Variants in CCZ1B observed in about 807,000 individuals in gnomAD.
The protein encoded by CCZ1B is vacuolar fusion protein CCZ1 homolog B.
CCZ1B carries 25 observed loss-of-function variants against 58.8 expected under a neutral mutation model. The observed-to-expected ratio is 0.43, with a 90% CI of 0.31 to 0.59. The LOEUF is 0.59. CCZ1B is among the 20% of genes least tolerant of loss of function. The pLI is 0.12. For synonymous variants in CCZ1B, 66 were observed against 173.2 expected, an observed-to-expected ratio of 0.38 and a Z score of 4.86; for missense variants, 180 against 501.5, an observed-to-expected ratio of 0.36 and a Z score of 6.12.
chr7:6,824,454 C>T lies in CCZ1B; in HGVS notation c.312+1G>A. On this transcript the variant is annotated splice_donor_variant, in intron 3 of 14. Coordinates refer to ENST00000316731, the MANE Select transcript of CCZ1B (RefSeq NM_198097.5). LOFTEE classifies it high-confidence loss of function. ...GAAAGATACACTGTGTGTGTAAATA[C>T]CATGACCATCCAGAAATTTTCTTCT... The T allele has an allele frequency of 6.2e-7, 1 of 1,605,142 alleles. No homozygotes were observed. Among genetic ancestry groups the T allele is most frequent in the Non-Finnish European group, 8.5e-7 (1 of 1,177,096 alleles).
chr7:6,805,746 A>AAC, intron 11 of CCZ1B: 1 of 317,686 alleles, frequency 3.1e-6, no homozygotes, highest in Non-Finnish European at 5.6e-6. Flanking sequence ...AAACAACCAC[A>AAC]AAAACATTAG....
At chr7:6,807,486 CTT>C (rs1436032636) in intron 10 of CCZ1B, among the ~76,000 whole-genome samples, 5 of 152,142 alleles carry the variant, frequency 3.3e-5, no homozygotes, top group Non-Finnish European at 7.3e-5. Flanking sequence ...CATTGAAAAA[CTT>C]TTCCTTTTTC....
chr7:6,823,612 C>T (rs1158790881), intron 4 of CCZ1B, among the ~76,000 whole-genome samples: 4 of 147,914 alleles, frequency 2.7e-5, no homozygotes, highest in Non-Finnish European at 3.0e-5. Context: ...TTTGCGTCCC[C>T]GGTTCAAGCG....
chr7:6,813,099 G>C, intron 8 of CCZ1B, 62 bp from the exon 9 acceptor site: 1 of 1,164,030 alleles, frequency 8.6e-7, no homozygotes, highest in Non-Finnish European at 1.2e-6. Context: ...TCCAAGCTTT[G>C]AAAAACAGCA....
intron 9 of CCZ1B, chr7:6,812,273 G>A: frequency 1.9e-6 from 1 of 523,970 alleles, no homozygotes; most frequent in Non-Finnish European, 3.4e-6. Flanking sequence ...TGGATCACCT[G>A]AAGTCAGGAG....
At position 6,804,850 on chromosome 7, in the gene CCZ1B, T is replaced by C; in HGVS notation, c.1106+88A>G. 5 of 1,091,582 alleles carry C rather than the reference T, an allele frequency of 4.6e-6. 1 individual carries two copies. The South Asian group carries it at 1.0e-4, about 22-fold the overall frequency. The allele number at this position is 1,091,582 out of a possible 1,614,324, so 67.6% of individuals were successfully genotyped here. A position where few individuals can be genotyped will look rare whatever the true frequency, so the allele number is the denominator to read the frequency against. On this transcript the variant is annotated intron_variant, in intron 12 of 14. Transcript: ENST00000316731. ...TACAGTCCACGAGAACACAGGACTG[T>C]TAATACCACCCGTATTTGTAAGTGA... is the stretch of plus-strand genomic sequence containing the variant.
chr7:6,821,290 G>A (rs1384860338), intron 6 of CCZ1B, among the ~76,000 whole-genome samples: 6 of 150,096 alleles, frequency 4.0e-5, no homozygotes, highest in Non-Finnish European at 1.5e-5. Flanking sequence ...GATTACAGGC[G>A]TAAGCCACCA....
In CCZ1B at chr7:6,813,850, A is replaced by G. The variant is rs552227529; in HGVS notation, c.781-813T>C. 6.2e-4 allele frequency among the ~76,000 whole-genome samples: 64 copies of G among 103,294 alleles called. 3 individuals carry two copies. Among genetic ancestry groups the G allele is most frequent in the Middle Eastern group, 4.5e-3 (1 of 224 alleles). The allele number at this position is 103,294 out of a possible 152,430, so 67.8% of individuals were successfully genotyped here. ...TAAAGGTTTCTAGAACCCAACCTAA[A>G]ATCCAATTTTTTTGGCCAGGAGCAG... On this transcript the variant is annotated intron_variant, in intron 8 of 14. Transcript: ENST00000316731.
chr7:6,814,927 A>C (rs1305414834), intron 7 of CCZ1B, 82 bp from the exon 8 acceptor site: 2 of 1,173,802 alleles, frequency 1.7e-6, no homozygotes, highest in Non-Finnish European at 2.3e-6. Flanking sequence ...TCATTAAACA[A>C]AAATTTTTTT....
In CCZ1B at chr7:6,820,369, A is replaced by G. The variant is rs569914073; in HGVS notation, c.523-428T>C. On this transcript the variant is annotated intron_variant, in intron 6 of 14. Coordinates refer to ENST00000316731, the MANE Select transcript of CCZ1B (RefSeq NM_198097.5). Reference sequence around the variant, plus strand: ...ATTTTTTTCCATTTTTAGTAGAGACAGGGTTTCACCATGTTAGCCAGGATG... The same window carrying G: ...ATTTTTTTCCATTTTTAGTAGAGACGGGGTTTCACCATGTTAGCCAGGATG... Among the ~76,000 whole-genome samples the G allele has an allele frequency of 1.3e-4, 20 of 149,062 alleles. 1 individual carries two copies. The highest frequency in any genetic ancestry group is 9.7e-4 in the East Asian group (5 of 5,166).
intron 8 of CCZ1B, among the ~76,000 whole-genome samples, chr7:6,813,324 G>A (rs1248844978): frequency 5.4e-5 from 8 of 149,146 alleles, no homozygotes; most frequent in East Asian, 1.9e-4. Context: ...GGTGGCTCAC[G>A]CCTATAATCC....
chr7:6,818,617 CAAGAAAGA>C (rs71956858), intron 7 of CCZ1B, among the ~76,000 whole-genome samples: 3 of 92,522 alleles, frequency 3.2e-5, no homozygotes, highest in African/African-American at 7.4e-5. Flanking sequence ...GAAAGAAAGA[CAAGAAAGA>C]AAGAAAGACA....
chr7:6,808,306 C>T (rs1158493309), intron 10 of CCZ1B, among the ~76,000 whole-genome samples: 1 of 121,836 alleles, frequency 8.2e-6, no homozygotes, highest in African/African-American at 2.7e-5. Flanking sequence ...ACTCACTGGG[C>T]TGTCCACATG....
chr7:6,824,532 T>G lies in CCZ1B; in HGVS notation c.235A>C (p.Lys79Gln), dbSNP rs1783164687. Residue 79 changes from lysine (K) to glutamine (Q), a missense_variant, in exon 3 of 15, where the codon AAA (lysine) becomes CAA (glutamine). Transcript: ENST00000316731. ...VQFTRTFSPS[K>Q]PAKSLHTQKN... ...TGTGTATGTAAAGATTTTGCAGGTTTTGATGGGCTAAATGTCCTACAAAGG... is the reference window on the plus strand; with the variant it reads ...TGTGTATGTAAAGATTTTGCAGGTTGTGATGGGCTAAATGTCCTACAAAGG... 6.2e-7 allele frequency: 1 copy of G among 1,609,006 alleles called. No homozygotes were observed. Among genetic ancestry groups the G allele is most frequent in the Non-Finnish European group, 8.5e-7 (1 of 1,179,204 alleles).
chr7:6,815,310 C>T (rs1195691487), intron 7 of CCZ1B, among the ~76,000 whole-genome samples: 7 of 148,428 alleles, frequency 4.7e-5, no homozygotes, highest in African/African-American at 1.5e-4. Flanking sequence ...GGACTACAGG[C>T]ATGCGCCACC....
At chr7:6,823,608 T>C (rs1783149074) in intron 4 of CCZ1B, among the ~76,000 whole-genome samples, 1 of 145,652 alleles carries the variant, frequency 6.9e-6, no homozygotes. Context: ...AACATTTGCG[T>C]CCCCGGTTCA....
chr7:6,815,391 G>A (rs1215823687), intron 7 of CCZ1B, among the ~76,000 whole-genome samples: 1 of 149,396 alleles, frequency 6.7e-6, no homozygotes, highest in Non-Finnish European at 1.5e-5. Flanking sequence ...TCGAACTCCT[G>A]GACTCAAGCA....
chr7:6,821,613 C>T (rs1376371465), intron 6 of CCZ1B, among the ~76,000 whole-genome samples: 4 of 151,278 alleles, frequency 2.6e-5, no homozygotes, highest in South Asian at 2.1e-4. Context: ...CTAGGCTAGG[C>T]GAGTTGGCTC....
intron 7 of CCZ1B, among the ~76,000 whole-genome samples, chr7:6,818,597 A>C (rs200178719): frequency 0.024 from 3,011 of 124,880 alleles, 4 homozygotes; most frequent in East Asian, 0.12. Context: ...GACAGACAGA[A>C]AGAAAGAAAG....
Sources: gnomAD v4.1 joint callset for allele counts (sites outside exome capture counted in the v4.1 genomes callset) on GRCh38, gnomAD v4.1.1 for gene constraint, MANE v1.5 for transcripts, NCBI Gene and HGNC (gene_info 2026-07-23, HGNC 2026-07-21) for gene names.